The following MICAL2 variants were observed in gnomAD, a reference collection of about 807,000 sequenced individuals.
MICAL2 encodes [F-actin]-monooxygenase MICAL2.
Under a neutral mutation model 127.3 loss-of-function variants are expected in MICAL2, and 77 were observed. The observed-to-expected ratio is 0.60, with a 90% CI of 0.50 to 0.73. The LOEUF (loss-of-function observed/expected upper bound fraction) is 0.73. Ranked by LOEUF, MICAL2 falls within the 30% of genes least tolerant of loss-of-function variation. The probability of loss-of-function intolerance (pLI) is 0.00; values close to 1 mark genes in which losing one functional copy is unlikely to be tolerated. For missense variants in MICAL2, 1,351 were observed against 1,434.4 expected (o/e 0.94, Z 0.94); for synonymous variants, 570 against 551.1 (o/e 1.03, Z -0.48).
At chr11:12,272,794 T>C (rs1033360772), upstream of MICAL2, among the ~76,000 whole-genome samples, 2 of 152,126 alleles carry the variant, frequency 1.3e-5, no homozygotes, top group African/African-American at 2.4e-5. Context: ...TCAGGGACCC[T>C]GACTGAAGGG....
intron 2 of MICAL2, among the ~76,000 whole-genome samples, chr11:12,153,801 C>T (rs2133742498): frequency 6.6e-6 from 1 of 152,338 alleles, no homozygotes; most frequent in Admixed American, 6.5e-5. Context: ...TTGAGATAGG[C>T]TGGCCTCCTA....
At chr11:12,298,303 G>C (rs1864010009) in intron 29 of MICAL2, among the ~76,000 whole-genome samples, 1 of 151,884 alleles carries the variant, frequency 6.6e-6, no homozygotes. Context: ...ACTGTTGTTT[G>C]TATATATGAA....
intron 1 of MICAL2, among the ~76,000 whole-genome samples, chr11:12,116,421 G>C (rs566916908): frequency 6.9e-6 from 1 of 144,462 alleles, no homozygotes; most frequent in East Asian, 2.0e-4. Flanking sequence ...AAATGACACA[G>C]AGTGCTAAGA....
intron 11 of MICAL2, among the ~76,000 whole-genome samples, 176 bp downstream of exon 11, chr11:12,222,919 C>T (rs564148605): frequency 6.6e-6 from 1 of 152,256 alleles, no homozygotes; most frequent in South Asian, 2.1e-4. Flanking sequence ...TCTTTCTAGC[C>T]CGCAGGACAG....
intron 25 of MICAL2, among the ~76,000 whole-genome samples, chr11:12,258,872 T>C (rs1217660883): frequency 6.6e-6 from 1 of 152,220 alleles, no homozygotes; most frequent in African/African-American, 2.4e-5. Context: ...CATGGCCCTC[T>C]GTACCTGGAA....
intron 29 of MICAL2, among the ~76,000 whole-genome samples, chr11:12,308,377 T>C (rs1389137814): frequency 6.6e-6 from 1 of 152,230 alleles, no homozygotes; most frequent in Non-Finnish European, 1.5e-5. Flanking sequence ...TGACACCTGT[T>C]TGGTCTTTCA....
At position 12,162,314 on chromosome 11, in the gene MICAL2, C is replaced by A. The variant is rs762443183; in HGVS notation, c.159C>A (p.Leu53=). The change falls in exon 3 of 28, where the codon CTC becomes CTA. Residue 53 remains leucine (L), a synonymous_variant. Coordinates refer to ENST00000683283, the MANE Select transcript of MICAL2 (RefSeq NM_001282663.2). ...ACCACAGAAACTTTTATTCCAAGCT[C>A]AAGTCCAAGGTGACCACCTGGAAAG... ...PLDHRNFYSK[L]KSKVTTWKAK... 3.7e-6 allele frequency: 6 copies of A among 1,614,222 alleles called. No homozygotes were observed. The highest frequency in any genetic ancestry group is 5.1e-6 in the Non-Finnish European group (6 of 1,180,034).
intron 2 of MICAL2, among the ~76,000 whole-genome samples, chr11:12,156,528 G>A (rs897211371): frequency 2.0e-5 from 3 of 152,186 alleles, no homozygotes; most frequent in Non-Finnish European, 1.5e-5. Flanking sequence ...GGCCAGGCTG[G>A]GGACACCTGG....
At position 12,236,241 on chromosome 11, in the gene MICAL2, A is replaced by G. The variant is rs776013273; in HGVS notation, c.2060A>G (p.Asp687Gly). ...AGACGGAAGGGCTTCACCAACCTGG[A>G]CGAGGTTTGTGTACACAGTGTGGCT... Reference protein sequence around the residue: ...KRRRKGFTNLDEPSNFSSRSL... With the variant: ...KRRRKGFTNLGEPSNFSSRSL... The change falls in exon 16 of 28, where the codon GAC (aspartate) becomes GGC (glycine). Residue 687 changes from aspartate (D) to glycine (G), a missense_variant. This residue lies in a region of MICAL2 where 752 missense variants were observed against 719.4 expected (regional missense o/e 1.05). Coordinates refer to ENST00000683283, the MANE Select transcript of MICAL2 (RefSeq NM_001282663.2). The G allele has an allele frequency of 6.2e-7, 1 of 1,614,096 alleles. No homozygotes were observed. The highest frequency in any genetic ancestry group is 2.2e-5 in the East Asian group (1 of 44,884).
chr11:12,353,627 C>T (rs1410540995), intron 33 of MICAL2, among the ~76,000 whole-genome samples: 1 of 152,156 alleles, frequency 6.6e-6, no homozygotes, highest in African/African-American at 2.4e-5. Context: ...CACACACCCA[C>T]GGTGATCTCA....
chr11:12,235,416 T>C (rs1858908040), intron 15 of MICAL2, among the ~76,000 whole-genome samples: 1 of 151,934 alleles, frequency 6.6e-6, no homozygotes, highest in African/African-American at 2.4e-5. Flanking sequence ...AGGGCAACCA[T>C]GTCATGTATC....
intron 1 of MICAL2, among the ~76,000 whole-genome samples, chr11:12,134,234 C>T (rs1851657884): frequency 6.6e-6 from 1 of 152,228 alleles, no homozygotes; most frequent in South Asian, 2.1e-4. Flanking sequence ...GTTTTCTTCC[C>T]TTATCCATGC....
At chr11:12,233,147 T>C (rs967148281) in intron 15 of MICAL2, among the ~76,000 whole-genome samples, 16 of 152,226 alleles carry the variant, frequency 1.1e-4, no homozygotes, top group African/African-American at 3.9e-4. Context: ...GACTACTGTC[T>C]AGCACGTTAT....
intron 15 of MICAL2, among the ~76,000 whole-genome samples, chr11:12,234,706 G>A (rs971446484): frequency 1.3e-5 from 2 of 152,188 alleles, no homozygotes; most frequent in African/African-American, 4.8e-5. Context: ...GTAAATATGG[G>A]GAGAGGGCAG....
intron 2 of MICAL2, among the ~76,000 whole-genome samples, chr11:12,155,239 G>T (rs1854026859): frequency 1.3e-5 from 2 of 152,096 alleles, no homozygotes; most frequent in Non-Finnish European, 2.9e-5. Flanking sequence ...GTGCTGGCTA[G>T]AAATCCTTAT....
At chr11:12,298,056 C>CA (rs1224708528) in intron 29 of MICAL2, among the ~76,000 whole-genome samples, 3 of 148,770 alleles carry the variant, frequency 2.0e-5, no homozygotes, top group Admixed American at 6.7e-5. Context: ...GTCTATCTAC[C>CA]AAAAAAAAAG....
At chr11:12,253,318 C>T (rs1826608) in intron 22 of MICAL2, 37,678 of 152,214 alleles carry the variant, frequency 0.25, 5,822 homozygotes, top group East Asian at 0.77. Flanking sequence ...GTCTCCAAGC[C>T]GACCTTGCCT....
chr11:12,179,580 C>T (rs1014035571), intron 3 of MICAL2, among the ~76,000 whole-genome samples: 2 of 152,240 alleles, frequency 1.3e-5, no homozygotes, highest in Admixed American at 1.3e-4. Flanking sequence ...TCCCGATCCA[C>T]CTGCCTCCCA....
intron 29 of MICAL2, chr11:12,308,142 G>C (rs1448172649): frequency 6.6e-6 from 1 of 152,210 alleles, no homozygotes; most frequent in Non-Finnish European, 1.5e-5. Flanking sequence ...CTCCTGCCTT[G>C]GCTTCCCAAA....
Sources: allele counts gnomAD v4.1 joint callset (sites outside exome capture counted in the v4.1 genomes callset), GRCh38; gene constraint gnomAD v4.1.1; regional missense constraint gnomAD v4.1.1; transcripts MANE v1.5; gene names NCBI Gene and HGNC (gene_info 2026-07-23, HGNC 2026-07-21).